The following MEF2C variants were observed in gnomAD, a reference collection of about 807,000 sequenced individuals.
MEF2C encodes the protein myocyte enhancer factor 2C.
Under a neutral mutation model 50.5 loss-of-function variants are expected in MEF2C, and 6 were observed. The observed-to-expected ratio is 0.12, with a 90% CI of 0.07 to 0.23. MEF2C has a LOEUF of 0.23. MEF2C is among the 10% of genes least tolerant of loss of function. MEF2C has a pLI of 1.00. For missense variants in MEF2C, 276 were observed against 605.0 expected (o/e 0.46, Z 5.70); for synonymous variants, 183 against 228.0 (o/e 0.80, Z 1.78).
At chr5:88,766,048 C>A (rs1346239442) in intron 3 of MEF2C, among the ~76,000 whole-genome samples, 1 of 152,132 alleles carries the variant, frequency 6.6e-6, no homozygotes, top group Non-Finnish European at 1.5e-5. Context: ...TGACATATTC[C>A]AAGCAATAAA....
chr5:88,741,022 A>G, intron 6 of MEF2C: 1 of 985,440 alleles, frequency 1.0e-6, no homozygotes. Context: ...CTGCGAACAC[A>G]TCAGAAGTTC....
chr5:88,734,785 A>G, intron 6 of MEF2C: 1 of 981,056 alleles, frequency 1.0e-6, no homozygotes, highest in Non-Finnish European at 1.2e-6. Context: ...TTCTCTTGGA[A>G]TATTTCCTGT....
At chr5:88,738,592 TACA>T in intron 6 of MEF2C, 1 of 983,890 alleles carries the variant, frequency 1.0e-6, no homozygotes, top group Non-Finnish European at 1.2e-6. Context: ...TGCCCTGAAG[TACA>T]ACACTACACT....
chr5:88,782,038 A>G (rs1321584734), intron 3 of MEF2C: 24 of 622,416 alleles, frequency 3.9e-5, no homozygotes, highest in Non-Finnish European at 4.6e-5. Flanking sequence ...TGATCCCAGG[A>G]GTTTGAGAAG....
At chr5:88,825,678 C>T in intron 1 of MEF2C, 1 of 970,352 alleles carries the variant, frequency 1.0e-6, no homozygotes, top group East Asian at 1.1e-4. Flanking sequence ...TCTTAAATGT[C>T]ACTCAATGGG....
At chr5:88,776,952 C>G (rs529945979) in intron 3 of MEF2C, among the ~76,000 whole-genome samples, 1 of 152,342 alleles carries the variant, frequency 6.6e-6, no homozygotes, top group Non-Finnish European at 1.5e-5. Context: ...CCCCAGACAG[C>G]CTTCTCTGAA....
chr5:88,739,179 T>C (rs1162041692), intron 6 of MEF2C: 6 of 976,418 alleles, frequency 6.1e-6, no homozygotes, highest in Non-Finnish European at 7.3e-6. Context: ...TTCTAATATA[T>C]AAATGTATAA....
intron 1 of MEF2C, among the ~76,000 whole-genome samples, chr5:88,848,669 T>TA (rs35894214): frequency 2.0e-5 from 3 of 152,122 alleles, no homozygotes; most frequent in Non-Finnish European, 4.4e-5. Flanking sequence ...TGGATTTTGG[T>TA]AAAAAAATTG....
intron 3 of MEF2C, among the ~76,000 whole-genome samples, chr5:88,770,666 C>G (rs945736206): frequency 2.1e-4 from 32 of 152,292 alleles, no homozygotes; most frequent in African/African-American, 7.2e-4. Context: ...TCAGAAATCA[C>G]CCTTGATTCC....
intron 6 of MEF2C, chr5:88,739,326 G>A (rs1165440924): frequency 1.9e-5 from 19 of 983,840 alleles, no homozygotes; most frequent in Non-Finnish European, 2.3e-5. Context: ...TCAACAAAAT[G>A]TTTTACTCAC....
intron 2 of MEF2C, among the ~76,000 whole-genome samples, chr5:88,806,326 C>G (rs1202919283): frequency 6.6e-6 from 1 of 152,182 alleles, no homozygotes; most frequent in African/African-American, 2.4e-5. Context: ...TCATCTTTCT[C>G]TTTGTCTCCA....
At chr5:88,726,325 T>A (rs1211259777) in intron 10 of MEF2C, among the ~76,000 whole-genome samples, 2 of 152,174 alleles carry the variant, frequency 1.3e-5, no homozygotes, top group Non-Finnish European at 2.9e-5. Flanking sequence ...ATGTATCAAT[T>A]CTTTTTAAAT....
At chr5:88,780,042 G>C (rs1787097598) in intron 3 of MEF2C, among the ~76,000 whole-genome samples, 1 of 151,896 alleles carries the variant, frequency 6.6e-6, no homozygotes, top group Admixed American at 6.6e-5. Flanking sequence ...AGCTACTTGG[G>C]AGGCTGAGGC....
intron 3 of MEF2C, among the ~76,000 whole-genome samples, chr5:88,799,866 TCTCTCACA>T (rs1189767652): frequency 2.8e-5 from 3 of 108,032 alleles, no homozygotes; most frequent in Non-Finnish European, 5.7e-5. Context: ...TCTCTCTCTC[TCTCTCACA>T]CACACACACA....
intron 6 of MEF2C, chr5:88,733,133 A>T: frequency 1.0e-6 from 1 of 985,260 alleles, no homozygotes; most frequent in Non-Finnish European, 1.2e-6. Flanking sequence ...AGTTCCCGGG[A>T]GAGAAGAGGT....
intron 1 of MEF2C, among the ~76,000 whole-genome samples, chr5:88,857,665 A>C (rs1293864304): frequency 6.6e-6 from 1 of 152,162 alleles, no homozygotes; most frequent in East Asian, 1.9e-4. Context: ...AGTTCTCATG[A>C]GATCTGATGT....
chr5:88,750,270 T>C (rs772110004), intron 5 of MEF2C: 30 of 175,364 alleles, frequency 1.7e-4, no homozygotes, highest in Admixed American at 2.7e-4. Context: ...GTGGCAGTAA[T>C]ATGGCTCACT....
At chr5:88,740,164 T>C in intron 6 of MEF2C, 2 of 985,104 alleles carry the variant, frequency 2.0e-6, no homozygotes, top group Non-Finnish European at 2.4e-6. Context: ...GGACCAGAGC[T>C]TCAGGAATTT....
intron 6 of MEF2C, chr5:88,733,209 G>C (rs942915325): frequency 4.1e-6 from 4 of 985,346 alleles, no homozygotes; most frequent in Non-Finnish European, 4.8e-6. Context: ...GCCATAGGAA[G>C]ATATGTTAGG....
Sources: allele counts gnomAD v4.1 joint callset (sites outside exome capture counted in the v4.1 genomes callset), GRCh38; gene constraint gnomAD v4.1.1; transcripts MANE v1.5; gene names NCBI Gene and HGNC (gene_info 2026-07-23, HGNC 2026-07-21).